Variants in VPS37A observed in about 807,000 individuals in gnomAD.
VPS37A encodes the protein vacuolar protein sorting-associated protein 37A.
VPS37A carries 30 observed loss-of-function variants against 49.8 expected under a neutral mutation model. That is an observed-to-expected ratio of 0.60 (90% CI 0.45 to 0.82). The LOEUF is 0.82. Among genes scored for constraint, VPS37A ranks in the 40% least tolerant of loss-of-function variants. VPS37A has a pLI of 0.00. For missense variants in VPS37A, 593 were observed against 464.4 expected (o/e 1.28, Z -2.55); for synonymous variants, 195 against 160.6 (o/e 1.21, Z -1.62).
chr8:17,294,297 C>G (rs1816416566), intron 11 of VPS37A, among the ~76,000 whole-genome samples: 1 of 152,132 alleles, frequency 6.6e-6, no homozygotes, highest in African/African-American at 2.4e-5. Context: ...GTGGACGCCC[C>G]TCCCCCCACC....
the VPS37A span, among the ~76,000 whole-genome samples, chr8:17,329,827 C>G: frequency 1.3e-5 from 2 of 152,122 alleles, no homozygotes; most frequent in Non-Finnish European, 2.9e-5. Context: ...TAATCATGCC[C>G]AGGGTATGAT....
At chr8:17,277,883 C>G (rs1474965034) in intron 6 of VPS37A, among the ~76,000 whole-genome samples, 1 of 151,420 alleles carries the variant, frequency 6.6e-6, no homozygotes, top group Non-Finnish European at 1.5e-5. Context: ...CACACACACA[C>G]ACACACACAC....
At position 17,247,189 on chromosome 8, in the gene VPS37A, A is replaced by C; in HGVS notation, c.-56A>C. On this transcript the variant is annotated 5_prime_UTR_variant, in exon 1 of 12. Transcript: ENST00000324849. ...CGCTGGAGAACCGCCGGGCCGAGCC[A>C]CTGGGAGAAGCAGGCCAGAGCCTTC... 6.4e-7 allele frequency: 1 copy of C among 1,552,588 alleles called. No individual in the cohort carries two copies. Among genetic ancestry groups the C allele is most frequent in the Non-Finnish European group, 8.7e-7 (1 of 1,148,404 alleles).
intron 9 of VPS37A, among the ~76,000 whole-genome samples, chr8:17,282,844 C>T (rs1815215944): frequency 6.6e-6 from 1 of 152,148 alleles, no homozygotes; most frequent in Non-Finnish European, 1.5e-5. Flanking sequence ...TGCGCTCTTA[C>T]ATATGGAAAC....
chr8:17,311,648 A>G, the VPS37A span: 7 of 1,613,982 alleles, frequency 4.3e-6, no homozygotes, highest in Non-Finnish European at 5.1e-6. Context: ...TAGAAAACAC[A>G]CGATCCGCAA....
downstream of VPS37A, among the ~76,000 whole-genome samples, chr8:17,303,330 A>G (rs990870239): frequency 6.6e-6 from 1 of 152,174 alleles, no homozygotes; most frequent in Non-Finnish European, 1.5e-5. Context: ...ATAAATTCTG[A>G]GAAGATAATT....
chr8:17,264,825 C>G (rs141176805), intron 1 of VPS37A, among the ~76,000 whole-genome samples: 1 of 152,252 alleles, frequency 6.6e-6, no homozygotes, highest in East Asian at 1.9e-4. Flanking sequence ...CATTTTCCCC[C>G]TTGGAAATAT....
downstream of VPS37A, among the ~76,000 whole-genome samples, chr8:17,303,180 T>C (rs548665918): frequency 1.3e-5 from 2 of 152,282 alleles, no homozygotes; most frequent in East Asian, 1.9e-4. Flanking sequence ...AGAACAGTGT[T>C]TGATCCTCAA....
downstream of VPS37A, chr8:17,302,050 A>C: frequency 6.8e-7 from 1 of 1,476,906 alleles, no homozygotes; most frequent in Non-Finnish European, 9.3e-7. Context: ...CTGACTAAAA[A>C]TGTGAAATAT....
At chr8:17,281,241 G>A (rs1449053345) in intron 9 of VPS37A, among the ~76,000 whole-genome samples, 1 of 151,956 alleles carries the variant, frequency 6.6e-6, no homozygotes, top group Non-Finnish European at 1.5e-5. Context: ...TATGAAATAG[G>A]TATTGTTACT....
intron 1 of VPS37A, among the ~76,000 whole-genome samples, chr8:17,257,844 T>A (rs1187930126): frequency 6.6e-6 from 1 of 152,224 alleles, no homozygotes; most frequent in Non-Finnish European, 1.5e-5. Flanking sequence ...TTTCCTTGTT[T>A]AGATGTTTCA....
At chr8:17,255,476 C>T (rs7828878) in intron 1 of VPS37A, among the ~76,000 whole-genome samples, 12,188 of 149,320 alleles carry the variant, frequency 0.082, 909 homozygotes, top group African/African-American at 0.2. Context: ...AGTGAGACTT[C>T]GTCTTAAATA....
intron 10 of VPS37A, 29 bp from the exon 11 acceptor site, chr8:17,286,318 A>G: frequency 6.3e-7 from 1 of 1,586,894 alleles, no homozygotes; most frequent in Non-Finnish European, 8.6e-7. Flanking sequence ...TGTAAAAGTG[A>G]CTGGTATTTT....
chr8:17,305,668 G>C (rs1043287952), downstream of VPS37A: 15 of 1,175,900 alleles, frequency 1.3e-5, no homozygotes, highest in Middle Eastern at 2.0e-4. Flanking sequence ...AATGAAAAAA[G>C]TCTTCAAAAT....
intron 4 of VPS37A, among the ~76,000 whole-genome samples, chr8:17,272,675 A>T (rs1021848850): frequency 1.2e-4 from 18 of 152,300 alleles, no homozygotes; most frequent in Non-Finnish European, 2.1e-4. Flanking sequence ...ATTGTTTCTA[A>T]ATAGCTTGTT....
chr8:17,265,082 T>C (rs1229347806), intron 1 of VPS37A, among the ~76,000 whole-genome samples: 2 of 152,304 alleles, frequency 1.3e-5, no homozygotes, highest in East Asian at 3.9e-4. Context: ...GACAGTTGCA[T>C]AGTCATCAAG....
the VPS37A span, chr8:17,311,440 T>C: frequency 6.3e-7 from 1 of 1,597,946 alleles, no homozygotes; most frequent in Non-Finnish European, 8.5e-7. Flanking sequence ...CAGTTGCCAG[T>C]AGTTGTAAAA....
rs530521417 is a variant in VPS37A, at chr8:17,247,547, G to A, written c.125+178G>A. 7 of 911,198 alleles carry A rather than the reference G, an allele frequency of 7.7e-6. No homozygotes were observed. In the Admixed American group the frequency reaches 1.5e-4, roughly 19 times the overall value. The allele number at this position is 911,198 out of a possible 1,614,324, so 56.4% of individuals were successfully genotyped here. Reference sequence around the variant, plus strand: ...CTGCCCCCTTTTACTGTTTTCCTCCGGACCCTCCCTGCCTCCTGCCGCACC... The same window carrying A: ...CTGCCCCCTTTTACTGTTTTCCTCCAGACCCTCCCTGCCTCCTGCCGCACC... On this transcript the variant is annotated intron_variant, in intron 1 of 11. Coordinates refer to ENST00000324849, the MANE Select transcript of VPS37A (RefSeq NM_152415.3).
intron 3 of VPS37A, 69 bp downstream of exon 3, chr8:17,268,441 G>A: frequency 8.6e-7 from 1 of 1,163,036 alleles, no homozygotes; most frequent in Non-Finnish European, 1.2e-6. Context: ...AAATATTTTA[G>A]AAATCTGAAA....
Sources: gnomAD v4.1 joint callset for allele counts (sites outside exome capture counted in the v4.1 genomes callset) on GRCh38, gnomAD v4.1.1 for gene constraint, MANE v1.5 for transcripts, NCBI Gene and HGNC (gene_info 2026-07-23, HGNC 2026-07-21) for gene names.